The following TENM4 variants were observed in gnomAD, a reference collection of about 807,000 sequenced individuals.
TENM4 encodes teneurin transmembrane protein 4, also known as teneurin-4.
A neutral mutation model predicts 243.3 loss-of-function variants in TENM4; 82 were observed. That is an observed-to-expected ratio of 0.34 (90% CI 0.28 to 0.40). TENM4 has a LOEUF of 0.40. Among genes scored for constraint, TENM4 ranks in the 10% least tolerant of loss-of-function variants. The pLI, the probability that TENM4 is intolerant of heterozygous loss-of-function variation, is 1.00. For synonymous variants in TENM4, 1,412 were observed against 1,456.3 expected (o/e 0.97, Z 0.69); for missense variants, 3,138 against 3,673.3 (o/e 0.85, Z 3.77).
intron 6 of TENM4, among the ~76,000 whole-genome samples, chr11:78,922,850 G>A (rs1392395409): frequency 2.0e-5 from 3 of 152,162 alleles, no homozygotes; most frequent in South Asian, 2.1e-4. Context: ...ATGAGAATCC[G>A]CCAAGGAAGG....
chr11:78,863,969 T>G (rs1160467655), intron 9 of TENM4, among the ~76,000 whole-genome samples: 1 of 152,186 alleles, frequency 6.6e-6, no homozygotes, highest in Admixed American at 6.5e-5. Flanking sequence ...TGAAGTAATA[T>G]CCACACAACA....
intron 2 of TENM4, among the ~76,000 whole-genome samples, chr11:79,236,305 T>C (rs1429086370): frequency 1.3e-5 from 2 of 152,238 alleles, no homozygotes; most frequent in African/African-American, 2.4e-5. Flanking sequence ...GAGACATTCC[T>C]GCCTTCTAGT....
In TENM4 at chr11:78,856,123, A is replaced by T; in HGVS notation, c.1311T>A (p.Asp437Glu). ...EDSFIDSGEI[D>E]VGRRASQKIP... ...TCTTCTGGGAAGCTCGCCTTCCCACATCAATTTCTCCAGAATCTATGAAAC... is the reference window on the plus strand; with the variant it reads ...TCTTCTGGGAAGCTCGCCTTCCCACTTCAATTTCTCCAGAATCTATGAAAC... The change falls in exon 11 of 34, where the codon GAT becomes GAA. Residue 437 changes from aspartate to glutamate, a missense_variant. Physicochemically the swap from Asp to Glu is conservative, Grantham distance 45. This residue lies in a region of TENM4 where 671 missense variants were observed against 614.1 expected (regional missense o/e 1.09). Coordinates refer to ENST00000278550, the MANE Select transcript of TENM4 (RefSeq NM_001098816.3). 1 of 1,551,706 alleles carries T rather than the reference A, an allele frequency of 6.4e-7. No homozygotes were observed. The highest frequency in any genetic ancestry group is 8.7e-7 in the Non-Finnish European group (1 of 1,146,990).
Position 79,036,928 on chromosome 11 carries a change from G to A in TENM4, c.493+27810C>T, listed in dbSNP as rs188380465. 1.7e-4 allele frequency among the ~76,000 whole-genome samples: 25 copies of A among 149,384 alleles called. No individual in the cohort carries two copies. In the East Asian group the frequency reaches 4.8e-3, roughly 29 times the overall value. ...CAGGAGGCTGAGGCAGGAGAATGGCGTGAACCTGGAAGGCAGAGCTTGCAG... is the reference window on the plus strand; with the variant it reads ...CAGGAGGCTGAGGCAGGAGAATGGCATGAACCTGGAAGGCAGAGCTTGCAG... On this transcript the variant is annotated intron_variant, in intron 6 of 33. Coordinates refer to ENST00000278550, the MANE Select transcript of TENM4 (RefSeq NM_001098816.3).
Position 79,374,683 on chromosome 11 carries a change from G to A in TENM4, c.-321+65826C>T, listed in dbSNP as rs926903261. 7.9e-5 allele frequency among the ~76,000 whole-genome samples: 12 copies of A among 152,094 alleles called. 1 individual carries two copies. The highest frequency in any genetic ancestry group is 3.9e-4 in the Admixed American group (6 of 15,286). ...AAATTTGTTTTATATGAGGATCCTA[G>A]TTTTTTCACAGGCTCACTAATAGAA... is the stretch of plus-strand genomic sequence containing the variant. On this transcript the variant is annotated intron_variant, in intron 1 of 33. Transcript: ENST00000278550.
In TENM4 at chr11:78,669,502, G is replaced by A; in HGVS notation, c.6843C>T (p.Tyr2281=). Residue 2281 remains tyrosine (Y), a synonymous_variant, in exon 32 of 34, where the codon TAC becomes TAT. Coordinates refer to ENST00000278550, the MANE Select transcript of TENM4 (RefSeq NM_001098816.3). This position sits in a 1 kb window ranked among gnomAD's most constrained non-coding sequence, Gnocchi z 6.4. The part of the protein sequence containing the change: ...YNSAGLLIKA[Y]NRAGSWSVRY... ...TGACACTCCAGCTGCCAGCCCGGTTGTAGGCCTTGATGAGCAGGCCAGCTG... is the reference window on the plus strand; with the variant it reads ...TGACACTCCAGCTGCCAGCCCGGTTATAGGCCTTGATGAGCAGGCCAGCTG... The A allele has an allele frequency of 6.2e-7, 1 of 1,613,988 alleles. No individual in the cohort carries two copies. Among genetic ancestry groups the A allele is most frequent in the South Asian group, 1.1e-5 (1 of 91,082 alleles).
At chr11:79,381,488 C>T (rs1051094793) in intron 1 of TENM4, among the ~76,000 whole-genome samples, 4 of 151,560 alleles carry the variant, frequency 2.6e-5, no homozygotes, top group South Asian at 2.1e-4. Flanking sequence ...GAGTCCCCAA[C>T]GTTTGCTCAC....
intron 4 of TENM4, among the ~76,000 whole-genome samples, chr11:79,112,128 G>A (rs965869444): frequency 2.0e-4 from 31 of 151,652 alleles, no homozygotes; most frequent in African/African-American, 5.8e-4. Context: ...AACACGTTCC[G>A]CCATCAGCAG....
At chr11:79,173,785 T>C (rs1440094153) in intron 3 of TENM4, among the ~76,000 whole-genome samples, 3 of 152,148 alleles carry the variant, frequency 2.0e-5, no homozygotes, top group East Asian at 3.9e-4. Flanking sequence ...AATAGTGCAG[T>C]TGCCGCCTGA....
At chr11:78,894,979 TAAAAAAA>T (rs67819510) in intron 7 of TENM4, among the ~76,000 whole-genome samples, 30 of 59,492 alleles carry the variant, frequency 5.0e-4, no homozygotes, top group Admixed American at 3.9e-3. Flanking sequence ...GACTCGGCCT[TAAAAAAA>T]AAAAAAAAAA....
intron 19 of TENM4, among the ~76,000 whole-genome samples, chr11:78,746,895 T>G (rs1350851508): frequency 5.3e-5 from 8 of 152,240 alleles, no homozygotes; most frequent in Non-Finnish European, 8.8e-5. Context: ...CCACAGTCTC[T>G]CAGCAGACAA....
intron 12 of TENM4, among the ~76,000 whole-genome samples, chr11:78,821,923 T>C (rs1161164702): frequency 6.6e-6 from 1 of 152,220 alleles, no homozygotes. Flanking sequence ...TCTGTTTACA[T>C]GTATGTATCT....
At chr11:78,899,149 A>G (rs1342026940) in intron 7 of TENM4, among the ~76,000 whole-genome samples, 1 of 152,118 alleles carries the variant, frequency 6.6e-6, no homozygotes, top group Non-Finnish European at 1.5e-5. Context: ...CCAAGCCTTA[A>G]AAGCATCAAT....
intron 15 of TENM4, among the ~76,000 whole-genome samples, chr11:78,797,320 T>C (rs578216956): frequency 6.6e-6 from 1 of 152,340 alleles, no homozygotes; most frequent in East Asian, 1.9e-4. Context: ...CTGTAAAATA[T>C]AAAATTTCCA....
intron 2 of TENM4, among the ~76,000 whole-genome samples, chr11:79,221,750 C>T (rs2135240293): frequency 6.6e-6 from 1 of 152,344 alleles, no homozygotes; most frequent in Non-Finnish European, 1.5e-5. Context: ...GAAATAAAGG[C>T]AGCAGATGGT....
chr11:78,727,990 G>A (rs1855558062), intron 22 of TENM4, among the ~76,000 whole-genome samples: 1 of 152,200 alleles, frequency 6.6e-6, no homozygotes, highest in South Asian at 2.1e-4. Flanking sequence ...CCATGGCCTT[G>A]AGTTCCTTAA....
chr11:79,269,811 GC>G (rs1207805976), intron 2 of TENM4: 1 of 152,238 alleles, frequency 6.6e-6, no homozygotes, highest in Non-Finnish European at 1.5e-5. Context: ...TGAACAAGGG[GC>G]CTCTGTGGCA....
At chr11:78,855,342 G>A (rs1450180327) in intron 11 of TENM4, among the ~76,000 whole-genome samples, 1 of 152,192 alleles carries the variant, frequency 6.6e-6, no homozygotes, top group Non-Finnish European at 1.5e-5. Context: ...ACAAGTGTCT[G>A]TTCTTCATTA....
intron 15 of TENM4, among the ~76,000 whole-genome samples, chr11:78,802,688 T>A (rs1169092067): frequency 6.6e-6 from 1 of 152,232 alleles, no homozygotes; most frequent in African/African-American, 2.4e-5. Context: ...GTACCTGTCA[T>A]CCCAACCTCA....
Sources: allele counts gnomAD v4.1 joint callset (sites outside exome capture counted in the v4.1 genomes callset), GRCh38; gene constraint gnomAD v4.1.1; regional missense constraint gnomAD v4.1.1; non-coding constraint Gnocchi (gnomAD v3.1); transcripts MANE v1.5; gene names NCBI Gene and HGNC (gene_info 2026-07-23, HGNC 2026-07-21).